ZSWIM5: variants seen among roughly 807,000 people sequenced by gnomAD.
ZSWIM5 encodes the protein zinc finger SWIM domain-containing protein 5.
In ZSWIM5, 55 loss-of-function variants were observed where a neutral mutation model predicts 119.6. The ratio of observed to expected loss-of-function variants is 0.46; its 90% CI spans 0.37 to 0.58. ZSWIM5 has a LOEUF of 0.58. Ranked by LOEUF, ZSWIM5 falls within the 20% of genes least tolerant of loss-of-function variation. The pLI is 0.00. For synonymous variants in ZSWIM5, 537 were observed against 606.9 expected (o/e 0.88, Z 1.69); for missense variants, 1,193 against 1,512.8 (o/e 0.79, Z 3.51).
At chr1:45,130,248 G>T (rs539446813) in intron 1 of ZSWIM5, among the ~76,000 whole-genome samples, 1 of 152,268 alleles carries the variant, frequency 6.6e-6, no homozygotes, top group South Asian at 2.1e-4. Flanking sequence ...ACAAACTCTT[G>T]CTCTATTAAA....
chr1:45,047,697 CA>C (rs1413214207), intron 5 of ZSWIM5, among the ~76,000 whole-genome samples: 2 of 152,080 alleles, frequency 1.3e-5, no homozygotes, highest in Non-Finnish European at 2.9e-5. Context: ...TAGACTGCAA[CA>C]GGGGAAGAGG....
intron 1 of ZSWIM5, among the ~76,000 whole-genome samples, chr1:45,200,006 G>A (rs979495839): frequency 6.6e-6 from 1 of 152,108 alleles, no homozygotes. Flanking sequence ...TTAAAAATCA[G>A]AAGCATCCAG....
chr1:45,114,538 T>C (rs1645536196), intron 1 of ZSWIM5, among the ~76,000 whole-genome samples: 1 of 152,106 alleles, frequency 6.6e-6, no homozygotes, highest in South Asian at 2.1e-4. Flanking sequence ...AGTGGAGACT[T>C]CAATACTTCC....
chr1:45,141,083 AT>A (rs1445409253), intron 1 of ZSWIM5, among the ~76,000 whole-genome samples: 1 of 152,090 alleles, frequency 6.6e-6, no homozygotes, highest in African/African-American at 2.4e-5. Context: ...TCTTTTCTCC[AT>A]TTACTCATAC....
chr1:45,153,613 C>T (rs1207784879), intron 1 of ZSWIM5, among the ~76,000 whole-genome samples: 1 of 152,002 alleles, frequency 6.6e-6, no homozygotes, highest in Admixed American at 6.6e-5. Context: ...CACATGCACT[C>T]ATATGTTTAC....
intron 2 of ZSWIM5, among the ~76,000 whole-genome samples, chr1:45,068,091 C>CTTTTTTTTTTTTTTTTTTTTTTT (rs869057806): frequency 1.8e-5 from 2 of 111,536 alleles, no homozygotes. Context: ...AGCAATTTTT[C>CTTTTTTTTTTTTTTTTTTTTTTT]TTTTTTTTTT....
chr1:45,204,448 T>G (rs1011287176), intron 1 of ZSWIM5, among the ~76,000 whole-genome samples: 6 of 152,278 alleles, frequency 3.9e-5, no homozygotes, highest in African/African-American at 1.4e-4. Context: ...AAACAAAACT[T>G]GCTCAAGCCA....
At chr1:45,112,545 A>G (rs1645525040) in intron 1 of ZSWIM5, among the ~76,000 whole-genome samples, 1 of 152,192 alleles carries the variant, frequency 6.6e-6, no homozygotes, top group Non-Finnish European at 1.5e-5. Context: ...GATAAAGGTA[A>G]AATGTCGGCT....
chr1:45,065,681 C>G (rs956417859), intron 2 of ZSWIM5, among the ~76,000 whole-genome samples: 3 of 151,746 alleles, frequency 2.0e-5, no homozygotes, highest in African/African-American at 7.3e-5. Context: ...TACAATGGAC[C>G]CCAGGAGAAA....
intron 5 of ZSWIM5, 116 bp downstream of exon 5, chr1:45,050,958 A>C: frequency 9.7e-7 from 1 of 1,026,750 alleles, no homozygotes; most frequent in East Asian, 2.6e-5. Context: ...GGCTTTTCTT[A>C]TTTAGAATGG....
chr1:45,087,471 G>T (rs2149011448), intron 2 of ZSWIM5, among the ~76,000 whole-genome samples: 1 of 152,308 alleles, frequency 6.6e-6, no homozygotes, highest in South Asian at 2.1e-4. Flanking sequence ...GGATAACTCT[G>T]ATGCTAATGT....
At chr1:45,022,386 T>C (rs1291684849) in intron 11 of ZSWIM5, among the ~76,000 whole-genome samples, 2 of 152,106 alleles carry the variant, frequency 1.3e-5, no homozygotes, top group Non-Finnish European at 2.9e-5. Context: ...CGCCTTGGTC[T>C]CCCAAAGTGC....
chr1:45,159,178 TTCATA>T (rs1403764012), intron 1 of ZSWIM5, among the ~76,000 whole-genome samples: 1 of 152,176 alleles, frequency 6.6e-6, no homozygotes, highest in East Asian at 1.9e-4. Flanking sequence ...TACTAATAAC[TTCATA>T]TAAGTTAGTG....
intron 1 of ZSWIM5, among the ~76,000 whole-genome samples, chr1:45,110,882 G>A (rs1645512591): frequency 6.6e-6 from 1 of 152,040 alleles, no homozygotes; most frequent in African/African-American, 2.4e-5. Flanking sequence ...TTAAGCTCAG[G>A]ATGAATGTAA....
chr1:45,202,611 A>G (rs1332164096), intron 1 of ZSWIM5, among the ~76,000 whole-genome samples: 1 of 152,042 alleles, frequency 6.6e-6, no homozygotes, highest in Non-Finnish European at 1.5e-5. Flanking sequence ...ATTTCTGGAT[A>G]AATACGTACA....
intron 1 of ZSWIM5, among the ~76,000 whole-genome samples, chr1:45,135,687 AAG>A (rs1645684981): frequency 6.6e-6 from 1 of 152,190 alleles, no homozygotes; most frequent in African/African-American, 2.4e-5. Flanking sequence ...AAGAAAACTG[AAG>A]ACTATAAGCC....
intron 1 of ZSWIM5, among the ~76,000 whole-genome samples, chr1:45,113,680 G>C (rs944860578): frequency 2.0e-5 from 3 of 152,158 alleles, no homozygotes; most frequent in African/African-American, 7.2e-5. Context: ...AATTAAGATA[G>C]CTTAAAATAT....
At chr1:45,102,048 A>AAC (rs1461952774) in intron 1 of ZSWIM5, among the ~76,000 whole-genome samples, 7 of 152,092 alleles carry the variant, frequency 4.6e-5, no homozygotes, top group African/African-American at 1.5e-4. Flanking sequence ...ATAAAAAAAA[A>AAC]AAAACTGTGA....
rs148871183 is a variant in ZSWIM5 at position 45,105,718 on chromosome 1, C to T, written c.596-17481G>A. Among the ~76,000 whole-genome samples the T allele has an allele frequency of 7.3e-3, 986 of 134,438 alleles. 12 individuals carry two copies. Among genetic ancestry groups the T allele is most frequent in the African/African-American group, 0.025 (877 of 35,422 alleles). 88.2% of individuals were successfully genotyped at this position (134,438 alleles called of 152,430 possible). The stretch of plus-strand genomic sequence containing the variant: ...AGTGCCTCTGCCTGGCTGCCCCCGT[C>T]GGGGAAGTGAGGAGCACCTCTGCCC... On this transcript the variant is annotated intron_variant, in intron 1 of 13. Transcript: ENST00000359600.
Sources: allele counts gnomAD v4.1 joint callset (sites outside exome capture counted in the v4.1 genomes callset), GRCh38; gene constraint gnomAD v4.1.1; transcripts MANE v1.5; gene names NCBI Gene and HGNC (gene_info 2026-07-23, HGNC 2026-07-21).